PGM3: variants seen among roughly 807,000 people sequenced by gnomAD.
PGM3 encodes the protein phosphoglucomutase 3.
Under a neutral mutation model 66.2 loss-of-function variants are expected in PGM3, and 40 were observed. That is an observed-to-expected ratio of 0.60 (90% CI 0.47 to 0.79). The LOEUF (loss-of-function observed/expected upper bound fraction) is 0.79, where lower values mean the gene tolerates loss of function less well. Ranked by LOEUF, PGM3 falls within the 30% of genes least tolerant of loss-of-function variation. The probability of loss-of-function intolerance (pLI) is 0.00; values close to 1 mark genes in which losing one functional copy is unlikely to be tolerated. For synonymous variants in PGM3, 191 were observed against 224.2 expected (o/e 0.85, Z 1.32); for missense variants, 537 against 643.4 (o/e 0.83, Z 1.79).
intron 1 of PGM3, among the ~76,000 whole-genome samples, chr6:83,192,200 G>T (rs897384124): frequency 2.2e-4 from 34 of 152,194 alleles, no homozygotes; most frequent in African/African-American, 6.7e-4. Flanking sequence ...CGCGGGTGGA[G>T]GTCGCAGTGA....
Position 83,167,872 on chromosome 6 carries a change from A to G in PGM3, c.*1362T>C. ...TTTTGTTTTCTGCAGAAAAATCCAG[A>G]GGAAGACAACTCAGGGAGAACATTG... On this transcript the variant is annotated 3_prime_UTR_variant, in exon 13 of 13. Coordinates refer to ENST00000513973, the MANE Select transcript of PGM3 (RefSeq NM_015599.3). 6.2e-7 allele frequency: 1 copy of G among 1,606,450 alleles called. No homozygotes were observed. The highest frequency in any genetic ancestry group is 8.5e-7 in the Non-Finnish European group (1 of 1,175,318).
At position 83,182,897 on chromosome 6, in the gene PGM3, A is replaced by G. The variant is rs745961996; in HGVS notation, c.539T>C (p.Ile180Thr). The G allele has an allele frequency of 3.7e-6, 6 of 1,613,966 alleles. No homozygotes were observed. The highest frequency in any genetic ancestry group is 5.1e-6 in the Non-Finnish European group (6 of 1,179,910). Residue 180 changes from isoleucine to threonine, a missense_variant, in exon 5 of 13, where the codon ATA becomes ACA. Coordinates refer to ENST00000513973, the MANE Select transcript of PGM3 (RefSeq NM_015599.3). ...AGAGAGTTTCTGGTAGTAACCTTCTATAGTTGCCTTTCCATATCGGCCACC... is the reference window on the plus strand; with the variant it reads ...AGAGAGTTTCTGGTAGTAACCTTCTGTAGTTGCCTTTCCATATCGGCCACC... ...NTGGRYGKAT[I>T]EGYYQKLSKA...
the PGM3 span, chr6:83,153,773 T>C: frequency 8.2e-7 from 1 of 1,216,312 alleles, no homozygotes. Flanking sequence ...ATTTTTCTTA[T>C]GGTGCTTTCT....
chr6:83,192,928 C>A (rs553283537), intron 1 of PGM3, among the ~76,000 whole-genome samples: 1 of 152,304 alleles, frequency 6.6e-6, no homozygotes, highest in South Asian at 2.1e-4. Flanking sequence ...ATTCCCGGCA[C>A]TCCACCCTGA....
chr6:83,177,110 T>G lies in PGM3; in HGVS notation c.1030-1050A>C, dbSNP rs567354880. On this transcript the variant is annotated intron_variant, in intron 8 of 12. Transcript: ENST00000513973. ...TTGAAGAGTGTGACTACAGTTGACA[T>G]CAGCTGGCACATACTGACCTGTTTT... Among the ~76,000 whole-genome samples the G allele has an allele frequency of 2.0e-5, 3 of 152,272 alleles. No individual in the cohort carries two copies. The East Asian group carries it at 5.8e-4, about 29-fold the overall frequency.
chr6:83,167,664 G>A lies in PGM3; in HGVS notation c.*1570C>T, dbSNP rs1786102447. On this transcript the variant is annotated 3_prime_UTR_variant, in exon 13 of 13. Coordinates refer to ENST00000513973, the MANE Select transcript of PGM3 (RefSeq NM_015599.3). Reference sequence around the variant, plus strand: ...GTTGGGAACTATTACTACAATGTTAGACTGCTCCATGTAAAACTAATAAAT... The same window carrying A: ...GTTGGGAACTATTACTACAATGTTAAACTGCTCCATGTAAAACTAATAAAT... 1 of 1,354,222 alleles carries A rather than the reference G, an allele frequency of 7.4e-7. No homozygotes were observed. Among genetic ancestry groups the A allele is most frequent in the Admixed American group, 3.4e-5 (1 of 29,202 alleles). 83.9% of individuals were successfully genotyped at this position (1,354,222 alleles called of 1,614,324 possible).
chr6:83,182,703 G>A (rs981081082), intron 5 of PGM3, 142 bp downstream of exon 5: 1 of 726,418 alleles, frequency 1.4e-6, no homozygotes, highest in Non-Finnish European at 2.3e-6. Flanking sequence ...ACCTTGTGTA[G>A]CCCTAGAGAA....
At chr6:83,171,358 G>GTCATTCATGCA (rs1410140713) in intron 11 of PGM3, 1 of 151,622 alleles carries the variant, frequency 6.6e-6, no homozygotes, top group Non-Finnish European at 1.5e-5. Context: ...AAAGTGATGC[G>GTCATTCATGCA]TCATTCATAT....
chr6:83,170,206 G>A (rs1786802355), intron 12 of PGM3, 99 bp downstream of exon 12: 2 of 1,086,924 alleles, frequency 1.8e-6, no homozygotes, highest in Non-Finnish European at 2.7e-6. Context: ...ACAAAATAAA[G>A]CCTTAATCAT....
At chr6:83,154,253 G>A in the PGM3 span, 23 of 1,610,308 alleles carry the variant, frequency 1.4e-5, no homozygotes, top group Non-Finnish European at 1.4e-5. Flanking sequence ...TGAGTATTAC[G>A]GGATGACAAT....
rs999653050 is a variant in PGM3 at position 83,171,892 on chromosome 6, A to T, written c.1365+45T>A. On this transcript the variant is annotated intron_variant, in intron 11 of 12. Coordinates refer to ENST00000513973, the MANE Select transcript of PGM3 (RefSeq NM_015599.3). ...AATGAGAATTGGGATAATAGGTTTT[A>T]CTTAGCTAATATTCAAAAAAGTTAC... 7 of 1,446,314 alleles carry T rather than the reference A, an allele frequency of 4.8e-6. No individual in the cohort carries two copies. The East Asian group carries it at 6.8e-5, about 14-fold the overall frequency. The allele number at this position is 1,446,314 out of a possible 1,614,324, so 89.6% of individuals were successfully genotyped here. A position where few individuals can be genotyped will look rare whatever the true frequency, so the allele number is the denominator to read the frequency against.
chr6:83,152,313 C>T, the PGM3 span: 3,023 of 1,572,326 alleles, frequency 1.9e-3, 66 homozygotes, highest in African/African-American at 0.036. Context: ...CAATGGAAAC[C>T]GCAAACATAA....
chr6:83,155,896 A>G, the PGM3 span: 3 of 1,566,030 alleles, frequency 1.9e-6, no homozygotes, highest in Admixed American at 2.0e-5. Context: ...AAAAAACAAC[A>G]GAATAATCTT....
chr6:83,162,796 A>G (rs1309492397), downstream of PGM3: 1 of 1,611,726 alleles, frequency 6.2e-7, no homozygotes, highest in African/African-American at 1.3e-5. Flanking sequence ...ATAGGTACCG[A>G]TGGGCCTTTA....
chr6:83,167,063 T>C lies in PGM3; in HGVS notation c.*2171A>G. 1 of 985,196 alleles carries C rather than the reference T, an allele frequency of 1.0e-6. No individual in the cohort carries two copies. Among genetic ancestry groups the C allele is most frequent in the Non-Finnish European group, 1.2e-6 (1 of 829,694 alleles). The allele number at this position is 985,196 out of a possible 1,614,324, so 61.0% of individuals were successfully genotyped here. On this transcript the variant is annotated 3_prime_UTR_variant, in exon 13 of 13. Coordinates refer to ENST00000513973, the MANE Select transcript of PGM3 (RefSeq NM_015599.3). ...GTGTAATTCAGGTGGCTTCTCAAACTAGCCTCTTAATACCCAAATTATTAG... is the reference window on the plus strand; with the variant it reads ...GTGTAATTCAGGTGGCTTCTCAAACCAGCCTCTTAATACCCAAATTATTAG...
chr6:83,165,739 C>A lies in PGM3; in HGVS notation c.*3495G>T. 1 of 235,878 alleles carries A rather than the reference C, an allele frequency of 4.2e-6. No individual in the cohort carries two copies. The highest frequency in any genetic ancestry group is 5.4e-5 in the South Asian group (1 of 18,656). 14.6% of individuals were successfully genotyped at this position (235,878 alleles called of 1,614,324 possible). ...GGCAGATGAGGCAAAACTTCATAGC[C>A]CAATTAGTTCAATTTTCGAAGCGTT... On this transcript the variant is annotated 3_prime_UTR_variant, in exon 13 of 13. Transcript: ENST00000513973.
intron 5 of PGM3, among the ~76,000 whole-genome samples, chr6:83,182,481 G>A (rs1196442671): frequency 6.6e-6 from 1 of 152,160 alleles, no homozygotes; most frequent in Non-Finnish European, 1.5e-5. Context: ...CATTTAACAA[G>A]CCAATATACC....
At chr6:83,179,750 A>C in intron 7 of PGM3, 60 bp downstream of exon 7, 2 of 1,293,058 alleles carry the variant, frequency 1.5e-6, no homozygotes, top group Non-Finnish European at 2.1e-6. Context: ...TGATTGTAAA[A>C]TATGGAACTA....
At chr6:83,175,607 T>C (rs1183117075) in intron 9 of PGM3, among the ~76,000 whole-genome samples, 2 of 152,216 alleles carry the variant, frequency 1.3e-5, no homozygotes, top group Non-Finnish European at 2.9e-5. Context: ...TTATTAATTA[T>C]CAACTTTCCA....
Sources: allele counts gnomAD v4.1 joint callset (sites outside exome capture counted in the v4.1 genomes callset), GRCh38; gene constraint gnomAD v4.1.1; transcripts MANE v1.5; gene names NCBI Gene and HGNC (gene_info 2026-07-23, HGNC 2026-07-21).